KMT2E: variants seen among roughly 807,000 people sequenced by gnomAD.
KMT2E encodes lysine methyltransferase 2E (inactive).
In KMT2E, 30 loss-of-function variants were observed where a neutral mutation model predicts 184.6. That is an observed-to-expected ratio of 0.16 (90% CI 0.12 to 0.22). The LOEUF (loss-of-function observed/expected upper bound fraction) is 0.22. KMT2E is among the 10% of genes least tolerant of loss of function. KMT2E has a pLI of 1.00. For missense variants in KMT2E, 2,023 were observed against 2,237.4 expected, an observed-to-expected ratio of 0.90 and a Z score of 1.93; for synonymous variants, 815 against 776.5, an observed-to-expected ratio of 1.05 and a Z score of -0.82.
At chr7:105,019,688 A>C (rs1006148316) in intron 1 of KMT2E, among the ~76,000 whole-genome samples, 2 of 152,210 alleles carry the variant, frequency 1.3e-5, no homozygotes, top group Non-Finnish European at 2.9e-5. Context: ...GCAATGATCT[A>C]TGTAGCTTTA....
rs754202852 is a variant in KMT2E, at chr7:105,111,837, G to A, written c.4081G>A (p.Gly1361Arg). ...PPKMSKPGSP[G>R]SVIPAQAHGK... ...TTTCTCTTCATAGCCTGGTTCACCT[G>A]GATCTGTAATTCCTGCTCAAGCACA... The change falls in exon 27 of 27, where the codon GGA becomes AGA. Residue 1361 changes from glycine (G) to arginine (R), a missense_variant. Transcript: ENST00000311117. The A allele has an allele frequency of 6.2e-7, 1 of 1,611,994 alleles. No homozygotes were observed. The highest frequency in any genetic ancestry group is 8.5e-7 in the Non-Finnish European group (1 of 1,179,042).
chr7:105,067,979 CAAA>C (rs2129567533), intron 6 of KMT2E, among the ~76,000 whole-genome samples: 1 of 152,174 alleles, frequency 6.6e-6, no homozygotes, highest in South Asian at 2.1e-4. Flanking sequence ...TTCAAAAAAA[CAAA>C]AAACCGCAAA....
rs771580335 is a variant in KMT2E at position 105,112,175 on chromosome 7, G to T, written c.4419G>T (p.Gln1473His). ...TTTCACCAAAGCCTCCTTCACAGCA[G>T]TTAGGATCTCCCTACAGGCCTCATC... is the stretch of plus-strand genomic sequence containing the variant. Reference protein sequence around the residue: ...GYLSPKPPSQQLGSPYRPHHS... With the variant: ...GYLSPKPPSQHLGSPYRPHHS... Residue 1473 changes from glutamine (Q) to histidine (H), a missense_variant, in exon 27 of 27, where the codon CAG becomes CAT. This residue lies in a region of KMT2E where 1,108 missense variants were observed against 1,050.9 expected (regional missense o/e 1.05). Coordinates refer to ENST00000311117, the MANE Select transcript of KMT2E (RefSeq NM_182931.3). 6.2e-7 allele frequency: 1 copy of T among 1,614,088 alleles called. No individual in the cohort carries two copies. Among genetic ancestry groups the T allele is most frequent in the East Asian group, 2.2e-5 (1 of 44,880 alleles).
intron 12 of KMT2E, 45 bp downstream of exon 12, chr7:105,079,008 G>T (rs769675131): frequency 2.9e-6 from 3 of 1,033,612 alleles, no homozygotes; most frequent in East Asian, 4.8e-5. Flanking sequence ...TGCTGGGGGT[G>T]TGTTGGAATC....
Position 105,112,895 on chromosome 7 carries a change from A to G in KMT2E, c.5139A>G (p.Ser1713=), listed in dbSNP as rs112746071. 1.2e-6 allele frequency: 2 copies of G among 1,610,262 alleles called. No homozygotes were observed. The highest frequency in any genetic ancestry group is 8.5e-7 in the Non-Finnish European group (1 of 1,179,300). ...LQAQHQHVVN[S]APPPPPPPPP... ...CACAACACCAGCATGTTGTAAATTC[A>G]GCACCCCCACCACCCCCTCCGCCGC... Residue 1713 remains serine (S), a synonymous_variant, in exon 27 of 27, where the codon TCA becomes TCG. Coordinates refer to ENST00000311117, the MANE Select transcript of KMT2E (RefSeq NM_182931.3).
intron 3 of KMT2E, among the ~76,000 whole-genome samples, chr7:105,047,848 A>G (rs893404649): frequency 7.9e-5 from 12 of 152,234 alleles, no homozygotes; most frequent in Non-Finnish European, 1.8e-4. Flanking sequence ...TATAAAACAG[A>G]TAAAAGGAAA....
At chr7:105,039,381 A>T (rs1344472713) in intron 2 of KMT2E, 1 of 152,226 alleles carries the variant, frequency 6.6e-6, no homozygotes, top group Non-Finnish European at 1.5e-5. Context: ...GACTTTAATA[A>T]TGACTTGATT....
At chr7:105,076,895 TG>T in intron 9 of KMT2E, 67 bp from the exon 10 acceptor site, 1 of 778,972 alleles carries the variant, frequency 1.3e-6, no homozygotes, top group South Asian at 1.6e-5. Context: ...TGTGTGTGTG[TG>T]TGTGTGTGTG....
At chr7:105,028,010 T>G (rs1795240504) in intron 1 of KMT2E, among the ~76,000 whole-genome samples, 1 of 152,176 alleles carries the variant, frequency 6.6e-6, no homozygotes, top group Non-Finnish European at 1.5e-5. Flanking sequence ...CTGATTGGAA[T>G]TGATTATTAT....
Position 105,110,553 on chromosome 7 carries a change from CCAGTTG to C in KMT2E, c.3924_3929del (p.Leu1309_Gln1310del). 1 of 1,614,078 alleles carries C rather than the reference CCAGTTG, an allele frequency of 6.2e-7. No homozygotes were observed. The highest frequency in any genetic ancestry group is 2.2e-5 in the East Asian group (1 of 44,884). ...CTTCATCTCATTCAAATCACATACC[CCAGTTG>C]CAAGCTAAGGGCCCAGTCCCTTCTT... On this transcript the variant is annotated inframe_deletion, in exon 25 of 27. Coordinates refer to ENST00000311117, the MANE Select transcript of KMT2E (RefSeq NM_182931.3).
At chr7:105,071,070 C>T (rs1276633364) in intron 6 of KMT2E, among the ~76,000 whole-genome samples, 2 of 152,014 alleles carry the variant, frequency 1.3e-5, no homozygotes, top group Non-Finnish European at 2.9e-5. Flanking sequence ...TATTTCCTTC[C>T]TTATTTAGGT....
At chr7:105,039,622 G>A (rs572799845) in intron 2 of KMT2E, among the ~76,000 whole-genome samples, 60 of 152,200 alleles carry the variant, frequency 3.9e-4, no homozygotes, top group Non-Finnish European at 6.9e-4. Flanking sequence ...TACCAAAGCG[G>A]GTTAATAACA....
At chr7:105,108,559 T>A in intron 22 of KMT2E, 1 of 457,692 alleles carries the variant, frequency 2.2e-6, no homozygotes, top group Non-Finnish European at 4.4e-6. Context: ...AGTTGGCAAC[T>A]TTGTGGGAAG....
chr7:105,078,746 A>C, intron 11 of KMT2E, 100 bp from the exon 12 acceptor site: 1 of 529,596 alleles, frequency 1.9e-6, no homozygotes, highest in Non-Finnish European at 3.5e-6. Flanking sequence ...GGACTCAAGC[A>C]ATCCACCTGC....
intron 18 of KMT2E, 32 bp downstream of exon 18, chr7:105,105,725 A>G: frequency 6.3e-7 from 1 of 1,583,030 alleles, no homozygotes; most frequent in Non-Finnish European, 8.6e-7. Context: ...AAAATGTAGA[A>G]TGAGCCAAAT....
Position 105,112,587 on chromosome 7 carries a change from C to T in KMT2E, c.4831C>T (p.Pro1611Ser). 6.2e-7 allele frequency: 1 copy of T among 1,613,936 alleles called. No homozygotes were observed. Among genetic ancestry groups the T allele is most frequent in the Non-Finnish European group, 8.5e-7 (1 of 1,179,986 alleles). ...GHHVTPGHFL[P>S]SQNPTIHHQT... ...CCACGTGACTCCAGGGCATTTTTTG[C>T]CCTCTCAGAACCCTACCATTCACCA... The change falls in exon 27 of 27, where the codon CCC (proline) becomes TCC (serine). Residue 1611 changes from proline to serine, a missense_variant. Pro to Ser is a moderately conservative substitution (Grantham distance 74). Transcript: ENST00000311117.
At chr7:105,087,421 CT>C (rs1251903238) in intron 13 of KMT2E, among the ~76,000 whole-genome samples, 13 of 146,266 alleles carry the variant, frequency 8.9e-5, no homozygotes, top group Admixed American at 7.5e-4. Flanking sequence ...AGGTCTTTTT[CT>C]TTTTTTTTGT....
intron 2 of KMT2E, chr7:105,039,371 G>T (rs1484393710): frequency 6.6e-6 from 1 of 152,172 alleles, no homozygotes; most frequent in Non-Finnish European, 1.5e-5. Context: ...GTACTTAAAA[G>T]ACTTTAATAA....
At chr7:105,071,580 GTGTATATATATATATATA>G (rs1411509793) in intron 6 of KMT2E, among the ~76,000 whole-genome samples, 888 of 64,924 alleles carry the variant, frequency 0.014, 38 homozygotes, top group African/African-American at 0.017. Context: ...GTATGTGTGT[GTGTATATATATATATATA>G]TATATATATA....
Sources: gnomAD v4.1 joint callset for allele counts (sites outside exome capture counted in the v4.1 genomes callset) on GRCh38, gnomAD v4.1.1 for gene constraint, gnomAD v4.1.1 regional missense constraint, MANE v1.5 for transcripts, NCBI Gene and HGNC (gene_info 2026-07-23, HGNC 2026-07-21) for gene names.